The following CPT1A variants were observed in gnomAD, a reference collection of about 807,000 sequenced individuals.
CPT1A encodes carnitine O-palmitoyltransferase 1, liver isoform.
CPT1A carries 64 observed loss-of-function variants against 100.8 expected under a neutral mutation model. That is an observed-to-expected ratio of 0.63 (90% CI 0.52 to 0.78). The LOEUF (loss-of-function observed/expected upper bound fraction) is 0.78, where lower values mean the gene tolerates loss of function less well. CPT1A is among the 30% of genes least tolerant of loss of function. The pLI is 0.00. For missense variants in CPT1A, 802 were observed against 1,034.1 expected, an observed-to-expected ratio of 0.78 and a Z score of 3.08; for synonymous variants, 363 against 396.0, an observed-to-expected ratio of 0.92 and a Z score of 0.99.
chr11:68,841,851 A>G lies in CPT1A; in HGVS notation c.-90T>C. ...GCGGCGGTGGAGTGAACGAGCGGCG[A>G]GCGGGAGCCGGGGAAGGAGGGCCGC... is the stretch of plus-strand genomic sequence containing the variant. On this transcript the variant is annotated 5_prime_UTR_variant, in exon 1 of 19. Transcript: ENST00000265641. This position sits in a 1 kb window ranked among gnomAD's most constrained non-coding sequence, Gnocchi z 6.3. The G allele has an allele frequency of 1.0e-6, 1 of 994,174 alleles. No homozygotes were observed. The highest frequency in any genetic ancestry group is 1.2e-6 in the Non-Finnish European group (1 of 837,988). 61.6% of individuals were successfully genotyped at this position (994,174 alleles called of 1,614,324 possible).
intron 1 of CPT1A, among the ~76,000 whole-genome samples, chr11:68,817,427 CGAG>C (rs1856459525): frequency 1.3e-5 from 2 of 152,198 alleles, no homozygotes; most frequent in African/African-American, 4.8e-5. Flanking sequence ...ACGTGCCAGC[CGAG>C]GAGAAGAGCT....
chr11:68,768,901 C>T (rs1409686000), intron 14 of CPT1A, among the ~76,000 whole-genome samples: 1 of 152,184 alleles, frequency 6.6e-6, no homozygotes, highest in South Asian at 2.1e-4. Flanking sequence ...TATGAACATC[C>T]CTGCCTCAGT....
intron 5 of CPT1A, among the ~76,000 whole-genome samples, chr11:68,803,143 T>C: frequency 6.6e-6 from 1 of 152,102 alleles, no homozygotes; most frequent in Non-Finnish European, 1.5e-5. Flanking sequence ...ATAAATAAAA[T>C]ATGGTCTAGC....
intron 9 of CPT1A, among the ~76,000 whole-genome samples, chr11:68,791,623 A>G (rs1474886507): frequency 6.6e-6 from 1 of 151,858 alleles, no homozygotes; most frequent in Non-Finnish European, 1.5e-5. Flanking sequence ...TGCAACCTCC[A>G]CCTCCCATGT....
Position 68,781,902 on chromosome 11 carries a change from A to T in CPT1A, c.1221T>A (p.Ser407=). The change falls in exon 11 of 19, where the codon TCT becomes TCA. Residue 407 remains serine, a synonymous_variant. Coordinates refer to ENST00000265641, the MANE Select transcript of CPT1A (RefSeq NM_001876.4). ...ACGCTGCTTTCTCCACAGCATCAAG[A>T]GACTGCTTATTTTTCCCACGTCCAA... ...AYFGRGKNKQ[S]LDAVEKAAFF... is the part of the protein sequence containing the mutation. 1 of 1,614,198 alleles carries T rather than the reference A, an allele frequency of 6.2e-7. No individual in the cohort carries two copies. Among genetic ancestry groups the T allele is most frequent in the South Asian group, 1.1e-5 (1 of 91,088 alleles).
At chr11:68,840,524 C>T (rs1031828277) in intron 1 of CPT1A, among the ~76,000 whole-genome samples, 1 of 152,200 alleles carries the variant, frequency 6.6e-6, no homozygotes, top group African/African-American at 2.4e-5. Context: ...AAAATCTGCC[C>T]TTAAATATTT....
Position 68,757,282 on chromosome 11 carries a change from T to C in CPT1A, c.*362A>G. 1.7e-6 allele frequency: 2 copies of C among 1,163,298 alleles called. No individual in the cohort carries two copies. The highest frequency in any genetic ancestry group is 2.1e-6 in the Non-Finnish European group (2 of 934,822). 72.1% of individuals were successfully genotyped at this position (1,163,298 alleles called of 1,614,324 possible). Reference sequence around the variant, plus strand: ...GCTAAATGCCCTTAAGCACTAGGCCTTCGGTTGCCACTGAGAAAGCACACC... The same window carrying C: ...GCTAAATGCCCTTAAGCACTAGGCCCTCGGTTGCCACTGAGAAAGCACACC... On this transcript the variant is annotated 3_prime_UTR_variant, in exon 19 of 19. Transcript: ENST00000265641.
chr11:68,796,881 A>G lies in CPT1A; in HGVS notation c.746T>C (p.Met249Thr), dbSNP rs376660837. 6.2e-7 allele frequency: 1 copy of G among 1,613,976 alleles called. No individual in the cohort carries two copies. The highest frequency in any genetic ancestry group is 1.3e-5 in the African/African-American group (1 of 74,914). The change falls in exon 7 of 19, where the codon ATG becomes ACG. Residue 249 changes from methionine (M) to threonine (T), a missense_variant. Physicochemically the swap from Met to Thr is moderately conservative, Grantham distance 81 (BLOSUM62 -1). Around this residue, in one of 4 missense-constraint regions of CPT1A, gnomAD observed 627 missense variants for 799.3 expected, o/e 0.78. Transcript: ENST00000265641. ...YIYLRGRGPL[M>T]VNSNYYAMDL... ...CATGGCATAATAGTTGCTGTTCACC[A>G]TGAGCGGCCCTCGTCCTCGGAGGTA...
intron 12 of CPT1A, among the ~76,000 whole-genome samples, chr11:68,779,491 T>TAAAAAA (rs369619747): frequency 3.5e-5 from 3 of 86,944 alleles, no homozygotes; most frequent in Non-Finnish European, 4.3e-5. Flanking sequence ...AACGAATTAT[T>TAAAAAA]AAAAAAAAAA....
At chr11:68,795,992 A>G (rs982477343) in intron 7 of CPT1A, among the ~76,000 whole-genome samples, 2 of 152,094 alleles carry the variant, frequency 1.3e-5, no homozygotes, top group African/African-American at 4.8e-5. Flanking sequence ...TGGAAGGAAA[A>G]GGAAAGAGAA....
intron 2 of CPT1A, 97 bp from the exon 3 acceptor site, chr11:68,812,673 G>GCCCT: frequency 6.9e-7 from 1 of 1,459,548 alleles, no homozygotes; most frequent in Non-Finnish European, 9.5e-7. Flanking sequence ...TGGGACAGCA[G>GCCCT]GCAGTGAGAA....
rs150933207 is a variant in CPT1A at position 68,804,172 on chromosome 11, C to T, written c.454-71G>A. 1.1e-3 allele frequency: 1,356 copies of T among 1,198,844 alleles called. 15 individuals are homozygous for T. The African/African-American group carries it at 0.017, about 15-fold the overall frequency. 74.3% of individuals were successfully genotyped at this position (1,198,844 alleles called of 1,614,324 possible). A position where few individuals can be genotyped will look rare whatever the true frequency, so the allele number is the denominator to read the frequency against. ...GAAGGCACCTGTTCTCGTCTGATCT[C>T]GTGAAGCTAAGCAGGGTCAGTCCTG... On this transcript the variant is annotated intron_variant, in intron 4 of 18. Transcript: ENST00000265641.
At chr11:68,806,678 A>T (rs1389290107) in intron 4 of CPT1A, among the ~76,000 whole-genome samples, 1 of 151,424 alleles carries the variant, frequency 6.6e-6, no homozygotes, top group Non-Finnish European at 1.5e-5. Flanking sequence ...CACACCTGTA[A>T]TCCCAGCACT....
At chr11:68,803,878 A>G (rs1855974056) in intron 5 of CPT1A, 122 bp downstream of exon 5, 1 of 767,648 alleles carries the variant, frequency 1.3e-6, no homozygotes, top group Non-Finnish European at 2.3e-6. Flanking sequence ...TGAGAACCCT[A>G]CCAGGCACAC....
intron 14 of CPT1A, among the ~76,000 whole-genome samples, chr11:68,771,395 G>A (rs1424617366): frequency 6.6e-6 from 1 of 152,196 alleles, no homozygotes; most frequent in African/African-American, 2.4e-5. Context: ...TGTAGGTAAG[G>A]TATCAACTGC....
At chr11:68,817,066 G>A (rs1856438630) in intron 1 of CPT1A, among the ~76,000 whole-genome samples, 2 of 126,316 alleles carry the variant, frequency 1.6e-5, no homozygotes, top group South Asian at 5.5e-4. Context: ...GGGGGTGGGT[G>A]TGTGTGGGTG....
chr11:68,824,109 G>A (rs575450883), intron 1 of CPT1A, among the ~76,000 whole-genome samples: 16 of 151,580 alleles, frequency 1.1e-4, no homozygotes, highest in South Asian at 2.1e-4. Flanking sequence ...TTAGCCAGGC[G>A]CGGTGGCAGA....
At position 68,775,344 on chromosome 11, in the gene CPT1A, G is replaced by C; in HGVS notation, c.1547C>G (p.Thr516Ser). Reference sequence around the variant, plus strand: ...CCCCGGGATGTCCCACTGCAGCCTGGTGGGGTACGGAATGTTCGGATTGAT... The same window carrying C: ...CCCCGGGATGTCCCACTGCAGCCTGCTGGGGTACGGAATGTTCGGATTGAT... ...GDINPNIPYP[T>S]RLQWDIPGEC... Residue 516 changes from threonine (T) to serine (S), a missense_variant, in exon 13 of 19, where the codon ACC becomes AGC. Transcript: ENST00000265641. The C allele has an allele frequency of 1.2e-6, 2 of 1,614,122 alleles. No homozygotes were observed. The highest frequency in any genetic ancestry group is 1.7e-6 in the Non-Finnish European group (2 of 1,179,948).
chr11:68,762,001 TGG>T (rs764188598), intron 15 of CPT1A, among the ~76,000 whole-genome samples: 2 of 152,110 alleles, frequency 1.3e-5, no homozygotes, highest in Non-Finnish European at 2.9e-5. Context: ...CTGCACGCTC[TGG>T]GGATCAGCAG....
Sources: allele counts gnomAD v4.1 joint callset (sites outside exome capture counted in the v4.1 genomes callset), GRCh38; gene constraint gnomAD v4.1.1; regional missense constraint gnomAD v4.1.1; non-coding constraint Gnocchi (gnomAD v3.1); transcripts MANE v1.5; gene names NCBI Gene and HGNC (gene_info 2026-07-23, HGNC 2026-07-21).